ROBO2: variants seen among roughly 807,000 people sequenced by gnomAD.
The protein encoded by ROBO2 is roundabout homolog 2.
Under a neutral mutation model 160.8 loss-of-function variants are expected in ROBO2, and 53 were observed. That is an observed-to-expected ratio of 0.33 (90% CI 0.26 to 0.41). The LOEUF (loss-of-function observed/expected upper bound fraction) is 0.41. Ranked by LOEUF, ROBO2 falls within the 10% of genes least tolerant of loss-of-function variation. The pLI is 1.00. For missense variants in ROBO2, 1,577 were observed against 1,722.4 expected (o/e 0.92, Z 1.49); for synonymous variants, 664 against 611.7 (o/e 1.09, Z -1.26).
At chr3:77,032,602 A>T (rs1232388254) in intron 2 of ROBO2, among the ~76,000 whole-genome samples, 1 of 152,174 alleles carries the variant, frequency 6.6e-6, no homozygotes, top group Non-Finnish European at 1.5e-5. Flanking sequence ...TTGTCAGCAC[A>T]GGTGAAGTCC....
intron 2 of ROBO2, among the ~76,000 whole-genome samples, chr3:76,205,138 G>T (rs1003943784): frequency 1.3e-5 from 2 of 152,016 alleles, no homozygotes; most frequent in South Asian, 4.1e-4. Context: ...GATGATCCTC[G>T]TATTTTTTCC....
intron 2 of ROBO2, among the ~76,000 whole-genome samples, chr3:76,116,401 G>A (rs982968458): frequency 3.9e-5 from 6 of 152,080 alleles, no homozygotes; most frequent in African/African-American, 9.7e-5. Flanking sequence ...AACTGTTCTA[G>A]TCACCCTGCT....
intron 2 of ROBO2, among the ~76,000 whole-genome samples, chr3:77,416,653 G>A (rs541834374): frequency 6.7e-5 from 10 of 148,750 alleles, no homozygotes; most frequent in African/African-American, 2.5e-4. Context: ...GGAGGCAGAG[G>A]TTGCAGTGAG....
At chr3:76,418,682 C>CTTT (rs35804382) in intron 2 of ROBO2, among the ~76,000 whole-genome samples, 23 of 137,998 alleles carry the variant, frequency 1.7e-4, no homozygotes, top group Admixed American at 1.5e-3. Context: ...TTCAACCTGC[C>CTTT]TTTTTTTTTT....
At chr3:77,448,303 A>C (rs1305038714) in intron 2 of ROBO2, among the ~76,000 whole-genome samples, 3 of 152,120 alleles carry the variant, frequency 2.0e-5, no homozygotes, top group Admixed American at 2.0e-4. Context: ...CCAGCTGCCC[A>C]GCTATATAGC....
intron 2 of ROBO2, among the ~76,000 whole-genome samples, chr3:77,378,058 A>G (rs1478813801): frequency 1.3e-5 from 2 of 152,208 alleles, no homozygotes; most frequent in African/African-American, 4.8e-5. Flanking sequence ...AAATGGTGGC[A>G]CCAACTAAAT....
intron 2 of ROBO2, among the ~76,000 whole-genome samples, chr3:76,792,653 CTA>C (rs975867787): frequency 1.3e-4 from 19 of 151,406 alleles, no homozygotes; most frequent in Admixed American, 7.9e-4. Flanking sequence ...GCCTATTTCA[CTA>C]TGTCTAAAAT....
At chr3:77,535,286 C>G (rs1582779694) in intron 6 of ROBO2, among the ~76,000 whole-genome samples, 1 of 151,164 alleles carries the variant, frequency 6.6e-6, no homozygotes, top group Non-Finnish European at 1.5e-5. Flanking sequence ...GATCAGCCCT[C>G]GTGGTTTAGC....
At chr3:77,346,084 A>T (rs1402487772) in intron 2 of ROBO2, among the ~76,000 whole-genome samples, 1 of 152,124 alleles carries the variant, frequency 6.6e-6, no homozygotes, top group African/African-American at 2.4e-5. Flanking sequence ...ACTACCCATG[A>T]TATATTGCTT....
chr3:77,167,559 A>G (rs955136405), intron 2 of ROBO2, among the ~76,000 whole-genome samples: 1 of 152,112 alleles, frequency 6.6e-6, no homozygotes, highest in African/African-American at 2.4e-5. Context: ...TTAAACCCAT[A>G]TGTATAATTT....
chr3:76,231,186 G>T (rs2107470451), intron 2 of ROBO2, among the ~76,000 whole-genome samples: 1 of 152,268 alleles, frequency 6.6e-6, no homozygotes, highest in Non-Finnish European at 1.5e-5. Context: ...CCCTTCTGCT[G>T]AGAATTTCGG....
At position 76,053,035 on chromosome 3, in the gene ROBO2, G is replaced by A. The variant is rs79524940; in HGVS notation, c.109+115433G>A. On this transcript the variant is annotated intron_variant, in intron 2 of 26. Transcript: ENST00000487694. ...TGAGATAATTTTATATTCATAGGCA[G>A]TTATAAGAAATAATACAGAGATATT... 2.9e-3 allele frequency among the ~76,000 whole-genome samples: 446 copies of A among 152,054 alleles called. 13 individuals carry two copies. In the East Asian group the frequency reaches 0.077, roughly 26 times the overall value.
intron 2 of ROBO2, among the ~76,000 whole-genome samples, chr3:76,354,350 A>G (rs77173054): frequency 0.027 from 4,114 of 152,008 alleles, 193 homozygotes; most frequent in African/African-American, 0.093. Flanking sequence ...GAACACTTTC[A>G]CAAGGTTTGA....
chr3:76,869,340 A>ATCTTTTTTTTT (rs1178461363), intron 2 of ROBO2, among the ~76,000 whole-genome samples: 1 of 108,140 alleles, frequency 9.2e-6, no homozygotes, highest in African/African-American at 3.6e-5. Flanking sequence ...GTAGAAATTG[A>ATCTTTTTTTTT]TGTTTTTTTT....
chr3:76,497,164 T>C (rs1205119750), intron 2 of ROBO2, among the ~76,000 whole-genome samples: 2 of 152,168 alleles, frequency 1.3e-5, no homozygotes. Context: ...TTTTCTTTGA[T>C]TGGAATGATT....
chr3:76,729,494 A>G (rs2093601803), intron 2 of ROBO2, among the ~76,000 whole-genome samples: 1 of 152,216 alleles, frequency 6.6e-6, no homozygotes, highest in Non-Finnish European at 1.5e-5. Context: ...AGAATAAGCC[A>G]TGAAAAAATA....
chr3:76,521,130 C>T (rs2081593055), intron 2 of ROBO2, among the ~76,000 whole-genome samples: 1 of 147,006 alleles, frequency 6.8e-6, no homozygotes, highest in South Asian at 2.1e-4. Flanking sequence ...CTCACCGCAA[C>T]CTTTGCCTTT....
chr3:76,831,232 AT>A (rs1253453665), intron 2 of ROBO2, among the ~76,000 whole-genome samples: 1 of 152,004 alleles, frequency 6.6e-6, no homozygotes, highest in African/African-American at 2.4e-5. Context: ...AGTTTTTTGG[AT>A]TTTTTAATCA....
chr3:76,441,815 C>G (rs1350773971), intron 2 of ROBO2, among the ~76,000 whole-genome samples: 3 of 152,190 alleles, frequency 2.0e-5, no homozygotes, highest in African/African-American at 7.2e-5. Context: ...GCTGAATTGT[C>G]TAATATCCAG....
Sources: allele counts gnomAD v4.1 joint callset (sites outside exome capture counted in the v4.1 genomes callset), GRCh38; gene constraint gnomAD v4.1.1; transcripts MANE v1.5; gene names NCBI Gene and HGNC (gene_info 2026-07-23, HGNC 2026-07-21).